NCALD: variants seen among roughly 807,000 people sequenced by gnomAD.
NCALD encodes neurocalcin-delta.
In NCALD, 10 loss-of-function variants were observed where a neutral mutation model predicts 18.6. That is an observed-to-expected ratio of 0.54 (90% CI 0.33 to 0.91). NCALD has a LOEUF of 0.91. Ranked by LOEUF, NCALD falls within the 40% of genes least tolerant of loss-of-function variation. The probability of loss-of-function intolerance (pLI) is 0.03; values close to 1 mark genes in which losing one functional copy is unlikely to be tolerated. For missense variants in NCALD, 184 were observed against 247.6 expected (o/e 0.74, Z 1.72); for synonymous variants, 88 against 87.4 (o/e 1.01, Z -0.04).
At chr8:101,887,870 A>G (rs1586695917) in intron 3 of NCALD, among the ~76,000 whole-genome samples, 1 of 152,172 alleles carries the variant, frequency 6.6e-6, no homozygotes. Context: ...TTGGGAAACC[A>G]TAAGTTTGTT....
chr8:101,836,765 TA>T (rs1429561591), intron 4 of NCALD, among the ~76,000 whole-genome samples: 1 of 152,220 alleles, frequency 6.6e-6, no homozygotes, highest in Non-Finnish European at 1.5e-5. Context: ...CAATAAATTT[TA>T]AATCACCATT....
At chr8:101,930,334 C>T (rs1217961324) in intron 2 of NCALD, among the ~76,000 whole-genome samples, 1 of 152,128 alleles carries the variant, frequency 6.6e-6, no homozygotes, top group Non-Finnish European at 1.5e-5. Flanking sequence ...ATGCCTCTGG[C>T]TACTCCAACG....
rs551350376 is a variant in NCALD at position 102,075,183 on chromosome 8, G to A, written c.-210+49054C>T. On this transcript the variant is annotated intron_variant, in intron 1 of 6. Coordinates refer to the NCALD transcript ENST00000311028. The stretch of plus-strand genomic sequence containing the variant: ...GATTTCTCTTAGTAAGAAAGAAAGA[G>A]AACATATAACAAGTAGACAACTCAC... 1.6e-3 allele frequency among the ~76,000 whole-genome samples: 238 copies of A among 152,232 alleles called. 1 individual carries two copies. Among genetic ancestry groups the A allele is most frequent in the Non-Finnish European group, 1.7e-3 (118 of 68,002 alleles).
intron 4 of NCALD, among the ~76,000 whole-genome samples, chr8:101,817,619 T>C (rs1229900354): frequency 1.3e-5 from 2 of 151,300 alleles, no homozygotes; most frequent in African/African-American, 4.8e-5. Context: ...TACATTTTAC[T>C]GTCCAGCTGC....
intron 1 of NCALD, among the ~76,000 whole-genome samples, chr8:102,081,560 A>AAAAAAAAAACAAAAACAAAAAC (rs1563601007): frequency 8.4e-6 from 1 of 118,610 alleles, no homozygotes; most frequent in African/African-American, 3.4e-5. Flanking sequence ...AAAAAAAAAA[A>AAAAAAAAAACAAAAACAAAAAC]AAAAAAAAAA....
intron 2 of NCALD, among the ~76,000 whole-genome samples, chr8:101,952,592 C>T (rs1033559046): frequency 6.6e-5 from 10 of 152,172 alleles, no homozygotes; most frequent in African/African-American, 1.4e-4. Context: ...TGAGAGCACC[C>T]GTGTTGTCAG....
chr8:101,895,532 G>A (rs1422615941), intron 3 of NCALD, among the ~76,000 whole-genome samples: 1 of 150,754 alleles, frequency 6.6e-6, no homozygotes, highest in East Asian at 1.9e-4. Context: ...GGCAGGAGAA[G>A]GAAATAAAGG....
intron 4 of NCALD, among the ~76,000 whole-genome samples, chr8:101,874,587 G>A (rs1414824044): frequency 6.6e-6 from 1 of 152,082 alleles, no homozygotes; most frequent in Non-Finnish European, 1.5e-5. Flanking sequence ...GCCCAGGCTG[G>A]AGTGTAGTGG....
chr8:101,828,230 G>A (rs1343059290), intron 4 of NCALD, among the ~76,000 whole-genome samples: 1 of 152,124 alleles, frequency 6.6e-6, no homozygotes, highest in Non-Finnish European at 1.5e-5. Context: ...CCTCTGCATG[G>A]AAGGAACCCT....
At chr8:101,912,876 T>C (rs1399396728) in intron 3 of NCALD, among the ~76,000 whole-genome samples, 2 of 152,230 alleles carry the variant, frequency 1.3e-5, no homozygotes, top group Non-Finnish European at 2.9e-5. Flanking sequence ...CAGGCTGCAA[T>C]GGGAGTTTCT....
intron 1 of NCALD, among the ~76,000 whole-genome samples, chr8:101,781,498 T>G (rs1215095999): frequency 6.6e-6 from 1 of 152,132 alleles, no homozygotes; most frequent in Non-Finnish European, 1.5e-5. Context: ...AAAAACCAAT[T>G]TACAAACCTT....
intron 1 of NCALD, among the ~76,000 whole-genome samples, chr8:102,084,446 G>A (rs960862776): frequency 6.6e-6 from 1 of 152,210 alleles, no homozygotes; most frequent in African/African-American, 2.4e-5. Flanking sequence ...ACTTGGAAGA[G>A]GACCAAGGGG....
intron 1 of NCALD, among the ~76,000 whole-genome samples, chr8:102,104,571 A>G (rs1269299220): frequency 6.6e-6 from 1 of 152,182 alleles, no homozygotes; most frequent in Admixed American, 6.5e-5. Flanking sequence ...AATTTGTCAC[A>G]TAAGAATCAG....
chr8:101,795,643 C>T (rs1812611225), upstream of NCALD, among the ~76,000 whole-genome samples: 1 of 152,196 alleles, frequency 6.6e-6, no homozygotes, highest in Non-Finnish European at 1.5e-5. Context: ...GTTAGGGTTT[C>T]AACATATGAA....
intron 4 of NCALD, among the ~76,000 whole-genome samples, chr8:101,853,914 C>G (rs1815199095): frequency 6.6e-6 from 1 of 152,194 alleles, no homozygotes; most frequent in South Asian, 2.1e-4. Flanking sequence ...AACACAAGCT[C>G]TTACACATCA....
chr8:102,038,359 A>G (rs1053805806), intron 1 of NCALD, among the ~76,000 whole-genome samples: 1 of 152,168 alleles, frequency 6.6e-6, no homozygotes, highest in Middle Eastern at 3.2e-3. Flanking sequence ...TCAAAGAACA[A>G]TCCCTGCTCT....
chr8:102,079,753 T>A (rs1181744291), intron 1 of NCALD, among the ~76,000 whole-genome samples: 1 of 152,228 alleles, frequency 6.6e-6, no homozygotes, highest in African/African-American at 2.4e-5. Context: ...TTTAAATGAA[T>A]ATGAACTGCA....
At chr8:101,963,263 A>G (rs924231143) in intron 2 of NCALD, among the ~76,000 whole-genome samples, 3 of 152,168 alleles carry the variant, frequency 2.0e-5, no homozygotes, top group African/African-American at 7.2e-5. Flanking sequence ...GATTTTCATT[A>G]TGCCATACCT....
At chr8:101,795,667 C>A (rs1197019393), upstream of NCALD, among the ~76,000 whole-genome samples, 1 of 152,218 alleles carries the variant, frequency 6.6e-6, no homozygotes, top group East Asian at 1.9e-4. Flanking sequence ...GGGGAAGACA[C>A]AAACATTCAG....
Sources: gnomAD v4.1 joint callset for allele counts (sites outside exome capture counted in the v4.1 genomes callset) on GRCh38, gnomAD v4.1.1 for gene constraint, MANE v1.5 for transcripts, NCBI Gene and HGNC (gene_info 2026-07-23, HGNC 2026-07-21) for gene names.